Variants in FARP1 observed in about 807,000 individuals in gnomAD.
FARP1 encodes FERM, ARH/RhoGEF and pleckstrin domain protein 1.
A neutral mutation model predicts 128.8 loss-of-function variants in FARP1; 52 were observed. The ratio of observed to expected loss-of-function variants is 0.40; its 90% CI spans 0.32 to 0.51. The LOEUF (loss-of-function observed/expected upper bound fraction) is 0.51, where lower values mean the gene tolerates loss of function less well. FARP1 is among the 20% of genes least tolerant of loss of function. FARP1 has a pLI of 0.45. For synonymous variants in FARP1, 580 were observed against 551.8 expected (o/e 1.05, Z -0.72); for missense variants, 1,333 against 1,367.9 (o/e 0.97, Z 0.40).
chr13:98,160,825 G>T (rs1876828667), intron 1 of FARP1, among the ~76,000 whole-genome samples: 1 of 151,868 alleles, frequency 6.6e-6, no homozygotes, highest in Non-Finnish European at 1.5e-5. Flanking sequence ...ACCATGCCTG[G>T]CTAATTTTTT....
At chr13:98,223,086 G>A (rs1399827082) in intron 2 of FARP1, among the ~76,000 whole-genome samples, 2 of 152,172 alleles carry the variant, frequency 1.3e-5, no homozygotes, top group African/African-American at 4.8e-5. Context: ...GGGACTGACA[G>A]ATACAGGAGA....
At chr13:98,314,034 C>T (rs1157059834) in intron 2 of FARP1, among the ~76,000 whole-genome samples, 1 of 152,178 alleles carries the variant, frequency 6.6e-6, no homozygotes, top group Non-Finnish European at 1.5e-5. Context: ...TCTTGTGTAA[C>T]ACGGATTGAG....
chr13:98,278,275 T>C (rs1456800440), intron 2 of FARP1, among the ~76,000 whole-genome samples: 1 of 149,152 alleles, frequency 6.7e-6, no homozygotes, highest in Non-Finnish European at 1.5e-5. Flanking sequence ...GTGTATATTT[T>C]GTGAATGTGT....
intron 2 of FARP1, among the ~76,000 whole-genome samples, chr13:98,335,440 C>T (rs576494620): frequency 3.3e-5 from 5 of 152,304 alleles, no homozygotes; most frequent in Admixed American, 1.3e-4. Context: ...CTTACTATCA[C>T]GAGAACAGCA....
chr13:98,285,533 CTGCTGCCT>C (rs2139642717), intron 2 of FARP1, among the ~76,000 whole-genome samples: 1 of 152,318 alleles, frequency 6.6e-6, no homozygotes, highest in South Asian at 2.1e-4. Flanking sequence ...TTCCTGTAAT[CTGCTGCCT>C]TGTCTCACAG....
At chr13:98,292,363 A>C (rs1885488115) in intron 2 of FARP1, among the ~76,000 whole-genome samples, 2 of 152,208 alleles carry the variant, frequency 1.3e-5, no homozygotes, top group African/African-American at 4.8e-5. Flanking sequence ...AAGTTACAGT[A>C]GATGCCAAGT....
chr13:98,446,890 A>AAGTC, intron 26 of FARP1, 73 bp downstream of exon 26: 5 of 1,538,312 alleles, frequency 3.3e-6, no homozygotes, highest in Non-Finnish European at 4.5e-6. Flanking sequence ...GATTTCTCCC[A>AAGTC]AGTCAGCGAG....
chr13:98,372,466 C>G (rs1171670683), intron 5 of FARP1, among the ~76,000 whole-genome samples: 2 of 152,130 alleles, frequency 1.3e-5, no homozygotes, highest in African/African-American at 4.8e-5. Context: ...TCTTCCCCTT[C>G]TCTCTGGGCA....
chr13:98,333,308 T>C (rs923625140), intron 2 of FARP1: 3 of 152,104 alleles, frequency 2.0e-5, no homozygotes, highest in Non-Finnish European at 2.9e-5. Flanking sequence ...GAAAAGATAA[T>C]GAATTACTCA....
chr13:98,387,752 G>T (rs1246759204), intron 8 of FARP1, among the ~76,000 whole-genome samples: 2 of 152,196 alleles, frequency 1.3e-5, no homozygotes, highest in Admixed American at 1.3e-4. Context: ...AGCAGGCCTG[G>T]CCTCCCATCC....
At chr13:98,200,644 G>T (rs1879881785) in intron 1 of FARP1, among the ~76,000 whole-genome samples, 1 of 152,278 alleles carries the variant, frequency 6.6e-6, no homozygotes, top group Non-Finnish European at 1.5e-5. Flanking sequence ...CAAGAAAAGT[G>T]ATGTCAGGCT....
chr13:98,209,801 A>C, intron 1 of FARP1, among the ~76,000 whole-genome samples: 1 of 10,790 alleles, frequency 9.3e-5, no homozygotes, highest in Admixed American at 1.2e-3. Flanking sequence ...TGTCTCAAAA[A>C]AAAAAAAAAA....
At chr13:98,297,966 C>T (rs1180994370) in intron 2 of FARP1, among the ~76,000 whole-genome samples, 6 of 152,166 alleles carry the variant, frequency 3.9e-5, no homozygotes, top group Admixed American at 3.9e-4. Context: ...TTGCCATCAT[C>T]CTGTGCGTTT....
chr13:98,376,783 A>G (rs1274235106), intron 5 of FARP1, among the ~76,000 whole-genome samples: 3 of 119,302 alleles, frequency 2.5e-5, no homozygotes, highest in Non-Finnish European at 3.5e-5. Flanking sequence ...TTTTTTTGCC[A>G]CATCCAAGCA....
chr13:98,443,261 A>G (rs1892602644), intron 24 of FARP1, among the ~76,000 whole-genome samples: 1 of 152,210 alleles, frequency 6.6e-6, no homozygotes, highest in Admixed American at 6.5e-5. Context: ...AGAGAGCAGG[A>G]GAGTGAGCCA....
At chr13:98,431,496 CTG>C in intron 18 of FARP1, 1 of 448,884 alleles carries the variant, frequency 2.2e-6, no homozygotes, top group Admixed American at 4.2e-5. Context: ...GAGTCTCACT[CTG>C]TCGCCCAGGC....
intron 16 of FARP1, among the ~76,000 whole-genome samples, chr13:98,422,825 G>A (rs891108859): frequency 1.3e-5 from 2 of 152,190 alleles, no homozygotes; most frequent in East Asian, 1.9e-4. Context: ...CATTTCTCGC[G>A]TTGCCGGAGG....
chr13:98,335,168 G>T (rs1476228246), intron 2 of FARP1, among the ~76,000 whole-genome samples: 2 of 152,130 alleles, frequency 1.3e-5, no homozygotes, highest in African/African-American at 4.8e-5. Context: ...CACTTACCAT[G>T]TACTCCAATT....
At chr13:98,269,448 C>T (rs1238164846) in intron 2 of FARP1, among the ~76,000 whole-genome samples, 1 of 152,228 alleles carries the variant, frequency 6.6e-6, no homozygotes, top group Non-Finnish European at 1.5e-5. Context: ...ATTCTAGTTA[C>T]TAGTGCTTAC....
Sources: gnomAD v4.1 joint callset for allele counts (sites outside exome capture counted in the v4.1 genomes callset) on GRCh38, gnomAD v4.1.1 for gene constraint, MANE v1.5 for transcripts, NCBI Gene and HGNC (gene_info 2026-07-23, HGNC 2026-07-21) for gene names.